LINGO2: variants seen among roughly 807,000 people sequenced by gnomAD.
The protein encoded by LINGO2 is leucine-rich repeat and immunoglobulin-like domain-containing nogo receptor-interacting protein 2.
Under a neutral mutation model 30.6 loss-of-function variants are expected in LINGO2, and 14 were observed. The ratio of observed to expected loss-of-function variants is 0.46; its 90% CI spans 0.30 to 0.72. The LOEUF is 0.72. Ranked by LOEUF, LINGO2 falls within the 30% of genes least tolerant of loss-of-function variation. The pLI is 0.07. For missense variants in LINGO2, 729 were observed against 751.7 expected (o/e 0.97, Z 0.35); for synonymous variants, 317 against 288.5 (o/e 1.10, Z -1.00).
chr9:28,688,469 A>C, the LINGO2 span, among the ~76,000 whole-genome samples: 1 of 152,008 alleles, frequency 6.6e-6, no homozygotes. Context: ...TAAACCTAAA[A>C]CCTCATGCTG....
At chr9:28,510,117 G>A (rs1054626524) in intron 1 of LINGO2, among the ~76,000 whole-genome samples, 1 of 152,140 alleles carries the variant, frequency 6.6e-6, no homozygotes. Flanking sequence ...AAATATACTT[G>A]TGGAAAGTGA....
chr9:29,105,117 A>G, the LINGO2 span, among the ~76,000 whole-genome samples: 1 of 152,222 alleles, frequency 6.6e-6, no homozygotes, highest in African/African-American at 2.4e-5. Flanking sequence ...GCAGGGACCT[A>G]ATTCATCAAA....
chr9:28,734,219 A>G, the LINGO2 span, among the ~76,000 whole-genome samples: 2 of 152,320 alleles, frequency 1.3e-5, no homozygotes, highest in South Asian at 4.1e-4. Context: ...ACGACAGTCA[A>G]GCTGATATCC....
intron 2 of LINGO2, among the ~76,000 whole-genome samples, chr9:28,474,427 A>G (rs570695314): frequency 2.6e-5 from 4 of 152,256 alleles, no homozygotes; most frequent in Admixed American, 2.0e-4. Flanking sequence ...AACTTGAGAA[A>G]GTTTTTCAAA....
chr9:29,081,405 T>C, the LINGO2 span, among the ~76,000 whole-genome samples: 3 of 152,170 alleles, frequency 2.0e-5, no homozygotes, highest in Admixed American at 6.6e-5. Context: ...AAACGCTCAA[T>C]AAATTAGGTA....
chr9:28,451,837 C>G (rs1824658277), intron 2 of LINGO2, among the ~76,000 whole-genome samples: 1 of 151,432 alleles, frequency 6.6e-6, no homozygotes. Flanking sequence ...ATTGTACTGT[C>G]TTTTATAAAA....
chr9:29,089,566 C>T, the LINGO2 span, among the ~76,000 whole-genome samples: 1 of 152,068 alleles, frequency 6.6e-6, no homozygotes, highest in Non-Finnish European at 1.5e-5. Flanking sequence ...TTTATATACT[C>T]TCATTCTCCC....
the LINGO2 span, among the ~76,000 whole-genome samples, chr9:28,784,652 T>A: frequency 6.6e-6 from 1 of 152,126 alleles, no homozygotes; most frequent in East Asian, 1.9e-4. Flanking sequence ...AGTATATGAT[T>A]CAGTATAAAA....
intron 1 of LINGO2, among the ~76,000 whole-genome samples, chr9:28,658,238 C>G (rs760336268): frequency 6.6e-6 from 1 of 152,030 alleles, no homozygotes; most frequent in Non-Finnish European, 1.5e-5. Context: ...GGGCAGTGTT[C>G]TATATATGAC....
the LINGO2 span, among the ~76,000 whole-genome samples, chr9:28,711,466 G>A: frequency 6.4e-3 from 973 of 152,228 alleles, 25 homozygotes; most frequent in Admixed American, 0.036. Context: ...TCCCTCTCAT[G>A]ATCCCTATCA....
intron 4 of LINGO2, among the ~76,000 whole-genome samples, chr9:28,293,015 G>A (rs1021293697): frequency 6.6e-6 from 1 of 151,454 alleles, no homozygotes; most frequent in Non-Finnish European, 1.5e-5. Flanking sequence ...CTTGTGATCC[G>A]CCTGCCTTGG....
chr9:28,557,536 T>C (rs896932607), intron 1 of LINGO2, among the ~76,000 whole-genome samples: 17 of 152,116 alleles, frequency 1.1e-4, no homozygotes, highest in African/African-American at 3.9e-4. Flanking sequence ...GGAACACTTT[T>C]ACACTGTTGG....
At chr9:28,851,351 C>T in the LINGO2 span, among the ~76,000 whole-genome samples, 1 of 152,024 alleles carries the variant, frequency 6.6e-6, no homozygotes. Flanking sequence ...GCCAGCAATG[C>T]TGAGCCAAGT....
chr9:29,141,745 C>T, the LINGO2 span, among the ~76,000 whole-genome samples: 4 of 151,606 alleles, frequency 2.6e-5, no homozygotes, highest in Non-Finnish European at 4.4e-5. Flanking sequence ...ATAGAACAGG[C>T]GTGACCTTGC....
intron 4 of LINGO2, among the ~76,000 whole-genome samples, chr9:28,099,212 C>T (rs1826337569): frequency 6.6e-6 from 1 of 152,072 alleles, no homozygotes; most frequent in African/African-American, 2.4e-5. Flanking sequence ...GCCATAGCCC[C>T]TATTGTGTGT....
the LINGO2 span, among the ~76,000 whole-genome samples, chr9:29,116,100 G>T: frequency 6.6e-6 from 1 of 151,104 alleles, no homozygotes; most frequent in Non-Finnish European, 1.5e-5. Context: ...TATAACGAAT[G>T]ACTTAAGACA....
At chr9:28,518,524 C>G (rs1820713466) in intron 1 of LINGO2, among the ~76,000 whole-genome samples, 1 of 152,030 alleles carries the variant, frequency 6.6e-6, no homozygotes, top group South Asian at 2.1e-4. Context: ...CTTTTTCTTC[C>G]TTAAAACAGG....
At chr9:28,708,486 A>C in the LINGO2 span, among the ~76,000 whole-genome samples, 3 of 152,074 alleles carry the variant, frequency 2.0e-5, no homozygotes, top group African/African-American at 7.2e-5. Flanking sequence ...AAGCAGTTTC[A>C]AGGCTGATCA....
At chr9:28,920,739 C>T in the LINGO2 span, among the ~76,000 whole-genome samples, 3 of 151,852 alleles carry the variant, frequency 2.0e-5, no homozygotes, top group East Asian at 3.9e-4. Flanking sequence ...CACACACACA[C>T]ACGCACACAA....
Sources: gnomAD v4.1 joint callset for allele counts (sites outside exome capture counted in the v4.1 genomes callset) on GRCh38, gnomAD v4.1.1 for gene constraint, MANE v1.5 for transcripts, NCBI Gene and HGNC (gene_info 2026-07-23, HGNC 2026-07-21) for gene names.